Variants in WWOX observed in about 807,000 individuals in gnomAD.
WWOX encodes WW domain-containing oxidoreductase.
Under a neutral mutation model 46.2 loss-of-function variants are expected in WWOX, and 69 were observed. The observed-to-expected ratio is 1.49, with a 90% CI of 1.23 to 1.82. The LOEUF is 1.82. WWOX is among the 40% of genes most tolerant of loss of function. WWOX has a pLI of 0.00. For missense variants in WWOX, 919 were observed against 542.6 expected (o/e 1.69, Z -6.89); for synonymous variants, 359 against 202.6 (o/e 1.77, Z -6.56).
Position 79,212,286 on chromosome 16 carries a change from C to G in WWOX, c.*490C>G, listed in dbSNP as rs567553663. Reference sequence around the variant, plus strand: ...TTCATTCATCCTGACCAAGACTGAGCCAGCTTAGCAACTGCTGGGGAGACA... The same window carrying G: ...TTCATTCATCCTGACCAAGACTGAGGCAGCTTAGCAACTGCTGGGGAGACA... On this transcript the variant is annotated 3_prime_UTR_variant, in exon 9 of 9. Transcript: ENST00000566780. The G allele has an allele frequency of 5.3e-6, 6 of 1,128,866 alleles. No individual in the cohort carries two copies. The highest frequency in any genetic ancestry group is 1.6e-5 in the African/African-American group (1 of 63,574). 69.9% of individuals were successfully genotyped at this position (1,128,866 alleles called of 1,614,324 possible). A position where few individuals can be genotyped will look rare whatever the true frequency, so the allele number is the denominator to read the frequency against.
At chr16:78,945,293 G>A (rs1026861870) in intron 8 of WWOX, among the ~76,000 whole-genome samples, 10 of 152,146 alleles carry the variant, frequency 6.6e-5, no homozygotes, top group African/African-American at 1.9e-4. Flanking sequence ...TATCAAGCAC[G>A]ATTTGAGTTG....
chr16:78,407,217 G>A (rs1191591933), intron 6 of WWOX, among the ~76,000 whole-genome samples: 1 of 152,146 alleles, frequency 6.6e-6, no homozygotes, highest in Non-Finnish European at 1.5e-5. Context: ...CAAAGACTAA[G>A]AAGTTTCTTA....
chr16:78,390,355 C>T (rs1418635113), intron 6 of WWOX, among the ~76,000 whole-genome samples: 1 of 152,166 alleles, frequency 6.6e-6, no homozygotes, highest in African/African-American at 2.4e-5. Flanking sequence ...AGTTCAAGTG[C>T]CTTTTGTAAT....
chr16:78,129,680 C>G (rs2033511496), intron 4 of WWOX, among the ~76,000 whole-genome samples: 1 of 151,038 alleles, frequency 6.6e-6, no homozygotes, highest in South Asian at 2.1e-4. Context: ...ATGGACCACA[C>G]AAAAATGGTC....
At chr16:78,566,883 C>T (rs113075375) in intron 8 of WWOX, among the ~76,000 whole-genome samples, 4 of 152,234 alleles carry the variant, frequency 2.6e-5, no homozygotes, top group African/African-American at 9.6e-5. Flanking sequence ...AATTGAAGAT[C>T]AAAGGGGTCA....
chr16:78,426,701 G>C (rs2083086857), intron 7 of WWOX, among the ~76,000 whole-genome samples: 2 of 152,206 alleles, frequency 1.3e-5, no homozygotes, highest in Admixed American at 1.3e-4. Context: ...GTCTTGATCT[G>C]TTACCAGGCT....
At chr16:79,013,515 A>G (rs940408078) in intron 8 of WWOX, among the ~76,000 whole-genome samples, 3 of 152,180 alleles carry the variant, frequency 2.0e-5, no homozygotes, top group African/African-American at 7.2e-5. Flanking sequence ...CTCAAAGCTC[A>G]GGCGTGTGCA....
At chr16:79,119,335 G>A (rs968510763) in intron 8 of WWOX, among the ~76,000 whole-genome samples, 2 of 152,146 alleles carry the variant, frequency 1.3e-5, no homozygotes, top group Non-Finnish European at 2.9e-5. Context: ...TGGATTGGAG[G>A]GTTTCTAAAG....
intron 8 of WWOX, among the ~76,000 whole-genome samples, chr16:78,803,228 A>G (rs1036489061): frequency 1.3e-5 from 2 of 151,516 alleles, no homozygotes; most frequent in African/African-American, 4.9e-5. Flanking sequence ...AGCTGTGGCT[A>G]TGAAGAAGTG....
intron 8 of WWOX, among the ~76,000 whole-genome samples, chr16:78,553,668 G>A (rs993908790): frequency 2.0e-5 from 3 of 152,088 alleles, no homozygotes; most frequent in African/African-American, 4.8e-5. Flanking sequence ...CAATATACAC[G>A]GCTCAAAGTT....
intron 8 of WWOX, among the ~76,000 whole-genome samples, chr16:78,603,370 T>C (rs1372779509): frequency 6.6e-6 from 1 of 152,142 alleles, no homozygotes; most frequent in African/African-American, 2.4e-5. Flanking sequence ...ACGCCCCCAC[T>C]GGGTGATCAG....
chr16:78,947,384 A>T (rs1007072489), intron 8 of WWOX, among the ~76,000 whole-genome samples: 1 of 151,674 alleles, frequency 6.6e-6, no homozygotes, highest in African/African-American at 2.4e-5. Flanking sequence ...TCCCCCCCTT[A>T]GCTGTATCCC....
chr16:78,269,515 A>G (rs1172475269), intron 5 of WWOX, among the ~76,000 whole-genome samples: 1 of 152,154 alleles, frequency 6.6e-6, no homozygotes, highest in Non-Finnish European at 1.5e-5. Flanking sequence ...AGGGAGCGAA[A>G]TCAAGACTTC....
At chr16:79,012,227 T>C (rs1364392226) in intron 8 of WWOX, among the ~76,000 whole-genome samples, 2 of 151,974 alleles carry the variant, frequency 1.3e-5, no homozygotes, top group Admixed American at 1.3e-4. Flanking sequence ...ATGCAACTAG[T>C]ATGACATCTT....
intron 5 of WWOX, among the ~76,000 whole-genome samples, chr16:78,226,765 A>G (rs954341654): frequency 2.0e-5 from 3 of 152,040 alleles, no homozygotes; most frequent in African/African-American, 7.3e-5. Context: ...GCACACTATT[A>G]CAGGTGCATG....
intron 8 of WWOX, among the ~76,000 whole-genome samples, chr16:78,475,446 C>G (rs993852885): frequency 6.6e-6 from 1 of 152,104 alleles, no homozygotes; most frequent in African/African-American, 2.4e-5. Context: ...CAGAGTTTTG[C>G]AGAAGAGAAT....
intron 8 of WWOX, among the ~76,000 whole-genome samples, chr16:78,932,476 G>C (rs2045644675): frequency 6.6e-6 from 1 of 152,218 alleles, no homozygotes; most frequent in South Asian, 2.1e-4. Flanking sequence ...GACAGCCACA[G>C]ATAGATCCCA....
At chr16:78,135,440 A>G (rs904452139) in intron 4 of WWOX, among the ~76,000 whole-genome samples, 3 of 152,322 alleles carry the variant, frequency 2.0e-5, no homozygotes, top group African/African-American at 7.2e-5. Context: ...TTAACTATAC[A>G]GTTGCTGAAG....
At chr16:78,547,157 A>C (rs912054400) in intron 8 of WWOX, among the ~76,000 whole-genome samples, 205 of 135,728 alleles carry the variant, frequency 1.5e-3, no homozygotes, top group Non-Finnish European at 2.8e-3. Context: ...AAAAAAAAAA[A>C]AACAACTACC....
Sources: gnomAD v4.1 joint callset for allele counts (sites outside exome capture counted in the v4.1 genomes callset) on GRCh38, gnomAD v4.1.1 for gene constraint, MANE v1.5 for transcripts, NCBI Gene and HGNC (gene_info 2026-07-23, HGNC 2026-07-21) for gene names.